Variants in RGL3 observed in about 807,000 individuals in gnomAD.
RGL3 encodes ral guanine nucleotide dissociation stimulator like 3, also known as ral guanine nucleotide dissociation stimulator-like 3.
In RGL3, 85 loss-of-function variants were observed where a neutral mutation model predicts 90.6. That is an observed-to-expected ratio of 0.94 (90% confidence interval 0.79 to 1.12). The LOEUF is 1.12. Among genes scored for constraint, RGL3 ranks in the 50% most tolerant of loss-of-function variants. The probability of loss-of-function intolerance (pLI) is 0.00; values close to 1 mark genes in which losing one functional copy is unlikely to be tolerated. For missense variants in RGL3, 1,034 were observed against 939.2 expected, an observed-to-expected ratio of 1.10 and a Z score of -1.32; for synonymous variants, 408 against 385.5, an observed-to-expected ratio of 1.06 and a Z score of -0.68.
Position 11,418,782 on chromosome 19 carries a change from T to C in RGL3, c.36A>G (p.Ala12=), listed in dbSNP as rs770973918. 24 of 1,544,686 alleles carry C rather than the reference T, an allele frequency of 1.6e-5. No homozygotes were observed. The highest frequency in any genetic ancestry group is 2.0e-5 in the Non-Finnish European group (23 of 1,148,378). ...TCTCTTCACCCCAGTCCTGCAGCGG[T>C]GCCTGGACGCACAGGCGGACTCAGG... ...ERTAGKELAL[A]PLQDWGEETE... is the part of the protein sequence containing the mutation. The change falls in exon 2 of 19, where the codon GCA becomes GCG. Residue 12 remains alanine (A), a splice_region_variant and synonymous_variant. Coordinates refer to ENST00000380456, the MANE Select transcript of RGL3 (RefSeq NM_001035223.4).
rs200893828 is a variant in RGL3 at position 11,419,213 on chromosome 19, G to T, written c.33+33C>A. 215 of 1,585,286 alleles carry T rather than the reference G, an allele frequency of 1.4e-4. No individual in the cohort carries two copies. The Middle Eastern group carries it at 1.7e-3, about 12-fold the overall frequency. On this transcript the variant is annotated intron_variant, in intron 1 of 18. Transcript: ENST00000380456. ...GTTTCTGGACCTGCGGGTCACCAGG[G>T]ATGCGGGGTCCGGGGATCCCTTGTC...
At chr19:11,402,164 G>GCCCCCCCCCCCCCCCCCC in intron 12 of RGL3, 32 bp from the exon 13 acceptor site, 1 of 1,585,730 alleles carries the variant, frequency 6.3e-7, no homozygotes, top group African/African-American at 1.3e-5. Flanking sequence ...CCCTACCCCT[G>GCCCCCCCCCCCCCCCCCC]CCCCACCCCC....
At chr19:11,410,887 G>T (rs1416012441) in intron 5 of RGL3, among the ~76,000 whole-genome samples, 1 of 151,386 alleles carries the variant, frequency 6.6e-6, no homozygotes, top group Admixed American at 6.6e-5. Context: ...AGGCAAGGGG[G>T]ATCTGTTACA....
chr19:11,413,618 G>GA lies in RGL3; in HGVS notation c.637+2318dup, dbSNP rs573631131. Reference sequence around the variant, plus strand: ...CCAGCACTCTGAGAGGTTGATGCTGGAGGATTGCTTAAGCCCAGGAGTTCG... The same window carrying GA: ...CCAGCACTCTGAGAGGTTGATGCTGGAAGGATTGCTTAAGCCCAGGAGTTCG... On this transcript the variant is annotated intron_variant, in intron 5 of 18. Transcript: ENST00000380456. Among the ~76,000 whole-genome samples, 79 of 151,478 alleles carry GA rather than the reference G, an allele frequency of 5.2e-4. 1 individual carries two copies. In the South Asian group the frequency reaches 0.016, roughly 30 times the overall value.
At chr19:11,400,856 A>AAAAT (rs36155093) in intron 13 of RGL3, among the ~76,000 whole-genome samples, 4,934 of 145,494 alleles carry the variant, frequency 0.034, 114 homozygotes, top group South Asian at 0.042. Context: ...CTCTGTCTCA[A>AAAAT]AAATAAATAA....
intron 5 of RGL3, 64 bp from the exon 6 acceptor site, chr19:11,406,928 G>T: frequency 1.3e-6 from 2 of 1,494,074 alleles, no homozygotes; most frequent in Non-Finnish European, 1.8e-6. Context: ...GTGACCTTGG[G>T]TGAGTCCCTG....
In RGL3 at chr19:11,416,133, C is replaced by A. The variant is rs1380214545; in HGVS notation, c.441G>T (p.Val147=). ...FNKNLRAVVS[V]LGSWLQDHPQ... is the part of the protein sequence containing the mutation. ...GGTGGTCCTGCAGCCAGGAGCCCAG[C>A]ACTGACACCACAGCCCTGGCCAGAG... is the stretch of plus-strand genomic sequence containing the variant. The change falls in exon 5 of 19, where the codon GTG becomes GTT. Residue 147 remains valine (V), a synonymous_variant. Transcript: ENST00000380456. The A allele has an allele frequency of 6.3e-7, 1 of 1,577,380 alleles. No individual in the cohort carries two copies. Among genetic ancestry groups the A allele is most frequent in the Non-Finnish European group, 8.6e-7 (1 of 1,163,334 alleles).
At chr19:11,410,927 G>A (rs557306257) in intron 5 of RGL3, among the ~76,000 whole-genome samples, 4 of 152,160 alleles carry the variant, frequency 2.6e-5, no homozygotes, top group South Asian at 4.1e-4. Flanking sequence ...ACAAACGACC[G>A]GTAGGGCGTG....
chr19:11,405,037 G>T, intron 9 of RGL3, 110 bp downstream of exon 9: 1 of 897,842 alleles, frequency 1.1e-6, no homozygotes. Flanking sequence ...CTGAGCGGTA[G>T]GGAAGGACAG....
chr19:11,417,997 T>A (rs1340498516), intron 2 of RGL3, among the ~76,000 whole-genome samples: 1 of 152,096 alleles, frequency 6.6e-6, no homozygotes, highest in African/African-American at 2.4e-5. Flanking sequence ...GCTAGTTTTT[T>A]AATTTTTATT....
intron 7 of RGL3, among the ~76,000 whole-genome samples, chr19:11,405,983 C>G (rs1968771055): frequency 1.3e-5 from 2 of 151,736 alleles, no homozygotes; most frequent in Non-Finnish European, 2.9e-5. Flanking sequence ...TCCCTCTCCC[C>G]AAAGTGCTGG....
intron 18 of RGL3, among the ~76,000 whole-genome samples, chr19:11,395,788 T>C (rs1334009780): frequency 1.3e-5 from 2 of 150,096 alleles, no homozygotes; most frequent in African/African-American, 2.5e-5. Flanking sequence ...CCACCATGCC[T>C]GGCTAATTTT....
intron 2 of RGL3, among the ~76,000 whole-genome samples, chr19:11,417,434 A>G (rs1969023104): frequency 6.7e-6 from 1 of 150,252 alleles, no homozygotes; most frequent in East Asian, 2.0e-4. Flanking sequence ...GGCTAGGATT[A>G]CAGGCGTGAA....
intron 4 of RGL3, 49 bp downstream of exon 4, chr19:11,416,565 C>G (rs1455056128): frequency 6.4e-7 from 1 of 1,568,406 alleles, no homozygotes; most frequent in Non-Finnish European, 8.8e-7. Flanking sequence ...TAACCTTTGA[C>G]CTCTTGGATT....
At chr19:11,418,488 T>A in intron 2 of RGL3, 183 bp downstream of exon 2, 1 of 571,806 alleles carries the variant, frequency 1.7e-6, no homozygotes, top group Admixed American at 3.2e-5. Flanking sequence ...CCCCATTCCC[T>A]GGATCTCCCC....
At chr19:11,410,857 C>T (rs1345585139) in intron 5 of RGL3, among the ~76,000 whole-genome samples, 3 of 151,644 alleles carry the variant, frequency 2.0e-5, no homozygotes, top group Admixed American at 6.6e-5. Flanking sequence ...TTTTTTTGCC[C>T]TCTAATGGCT....
intron 5 of RGL3, among the ~76,000 whole-genome samples, chr19:11,414,133 TCA>T (rs1491506475): frequency 2.5e-5 from 1 of 40,342 alleles, no homozygotes; most frequent in East Asian, 5.4e-4. Context: ...GCTGGAGAAA[TCA>T]TATATATATA....
intron 16 of RGL3, 34 bp downstream of exon 16, chr19:11,399,821 C>T (rs1461384418): frequency 1.6e-6 from 2 of 1,245,574 alleles, no homozygotes; most frequent in Admixed American, 5.1e-5. Flanking sequence ...TGGGTGCCCG[C>T]AGGCCCGCAT....
chr19:11,404,703 G>A (rs1351010240), intron 9 of RGL3, among the ~76,000 whole-genome samples: 1 of 152,166 alleles, frequency 6.6e-6, no homozygotes, highest in East Asian at 1.9e-4. Context: ...ACCTGGAGGG[G>A]TGGAGAATGT....
Sources: allele counts gnomAD v4.1 joint callset (sites outside exome capture counted in the v4.1 genomes callset), GRCh38; gene constraint gnomAD v4.1.1; transcripts MANE v1.5; gene names NCBI Gene and HGNC (gene_info 2026-07-23, HGNC 2026-07-21).